EPB41: variants seen among roughly 807,000 people sequenced by gnomAD.
The protein encoded by EPB41 is protein 4.1.
In EPB41, 65 loss-of-function variants were observed where a neutral mutation model predicts 108.0. That is an observed-to-expected ratio of 0.60 (90% CI 0.49 to 0.74). The LOEUF is 0.74. EPB41 is among the 30% of genes least tolerant of loss of function. The pLI is 0.00. For synonymous variants in EPB41, 336 were observed against 358.9 expected (o/e 0.94, Z 0.72); for missense variants, 875 against 1,037.0 (o/e 0.84, Z 2.15).
intron 16 of EPB41, among the ~76,000 whole-genome samples, chr1:29,087,371 T>C (rs1023479780): frequency 4.0e-4 from 60 of 151,326 alleles, no homozygotes; most frequent in African/African-American, 1.4e-3. Context: ...CATATCCTGC[T>C]TTTTTTTTGA....
In EPB41 at chr1:29,114,636, TAAAAAAAAAAAA is replaced by T. The variant is rs62666661; in HGVS notation, c.2497-1050_2497-1039del. Among the ~76,000 whole-genome samples the T allele has an allele frequency of 5.1e-5, 4 of 77,742 alleles. No individual in the cohort carries two copies. In the East Asian group the frequency reaches 1.5e-3, roughly 29 times the overall value. 51.0% of individuals were successfully genotyped at this position (77,742 alleles called of 152,430 possible). ...CCAGCCTGGGCAGTGAGACTCCGTC[TAAAAAAAAAAAA>T]AAAAAAAAAAAAGTCCCTGTTTCAC... On this transcript the variant is annotated intron_variant, in intron 19 of 20. Coordinates refer to ENST00000343067, the MANE Select transcript of EPB41 (RefSeq NM_001376013.1).
At chr1:28,972,048 C>T (rs1040318200) in intron 1 of EPB41, among the ~76,000 whole-genome samples, 10 of 152,154 alleles carry the variant, frequency 6.6e-5, no homozygotes, top group Non-Finnish European at 1.3e-4. Context: ...ACCCTGCCCC[C>T]GTAGCTGGGA....
chr1:29,051,033 T>C (rs998749147), intron 11 of EPB41, among the ~76,000 whole-genome samples: 3 of 151,904 alleles, frequency 2.0e-5, no homozygotes, highest in Non-Finnish European at 4.4e-5. Context: ...AGGAATTAGT[T>C]CTTTCATTGG....
At chr1:28,922,039 G>A (rs1215278045) in intron 1 of EPB41, among the ~76,000 whole-genome samples, 1 of 136,598 alleles carries the variant, frequency 7.3e-6, no homozygotes, top group African/African-American at 2.7e-5. Context: ...GCATGATCTT[G>A]GCTCACTGCA....
At chr1:29,113,277 C>T (rs1669818068) in intron 19 of EPB41, among the ~76,000 whole-genome samples, 1 of 152,184 alleles carries the variant, frequency 6.6e-6, no homozygotes, top group African/African-American at 2.4e-5. Context: ...CATGCAAATG[C>T]TTCTGGAATC....
At chr1:29,080,633 C>G (rs746443959) in intron 16 of EPB41, among the ~76,000 whole-genome samples, 2 of 152,128 alleles carry the variant, frequency 1.3e-5, no homozygotes, top group African/African-American at 2.4e-5. Flanking sequence ...AGGCCATCCA[C>G]CCTCCCCAGC....
intron 1 of EPB41, among the ~76,000 whole-genome samples, chr1:28,983,627 G>A (rs1199181025): frequency 6.6e-6 from 1 of 152,178 alleles, no homozygotes; most frequent in East Asian, 1.9e-4. Flanking sequence ...GAACGAGGTG[G>A]GAACTGGAGT....
At chr1:28,989,243 G>A (rs1350677974) in intron 2 of EPB41, 4 of 206,650 alleles carry the variant, frequency 1.9e-5, no homozygotes, top group Non-Finnish European at 3.4e-5. Context: ...GGCCTTAATT[G>A]TGACATAGTG....
rs147012867 is a variant in EPB41, at chr1:28,993,179, C to T, written c.469-151C>T. The T allele has an allele frequency of 1.2e-3, 763 of 638,098 alleles. 7 individuals carry two copies. The African/African-American group carries it at 0.012, about 10-fold the overall frequency. 39.5% of individuals were successfully genotyped at this position (638,098 alleles called of 1,614,324 possible). On this transcript the variant is annotated intron_variant, in intron 2 of 20. Coordinates refer to ENST00000343067, the MANE Select transcript of EPB41 (RefSeq NM_001376013.1). ...TCTTTAGGGCATTTGGGGGATCATA[C>T]TATTTTTTATAGAAAAATATTTAAT...
intron 1 of EPB41, among the ~76,000 whole-genome samples, chr1:28,942,382 G>T (rs191345091): frequency 1.3e-5 from 2 of 152,290 alleles, no homozygotes; most frequent in Admixed American, 1.3e-4. Context: ...TCCAAATTGG[G>T]GTTCCCACAA....
At chr1:29,112,948 A>G (rs1460265466) in intron 19 of EPB41, among the ~76,000 whole-genome samples, 2 of 152,212 alleles carry the variant, frequency 1.3e-5, no homozygotes, top group South Asian at 2.1e-4. Context: ...AGCCGAGAAG[A>G]CACGAGCGGG....
chr1:29,011,486 T>C (rs935836126), intron 4 of EPB41, among the ~76,000 whole-genome samples: 3 of 152,226 alleles, frequency 2.0e-5, no homozygotes, highest in Admixed American at 6.5e-5. Context: ...CTTTATAGAA[T>C]AATATAAATA....
rs1425317828 is a variant in EPB41 at position 29,079,997 on chromosome 1, C to CA, written c.2184+14847dup. Among the ~76,000 whole-genome samples the CA allele has an allele frequency of 1.2e-4, 18 of 150,286 alleles. No individual in the cohort carries two copies. In the East Asian group the frequency reaches 2.3e-3, roughly 20 times the overall value. ...GGCGACAAGAGCAAAACTCTTATCT[C>CA]AAAAAAAAGAAAAAAATATATATTT... On this transcript the variant is annotated intron_variant, in intron 16 of 20. Coordinates refer to ENST00000343067, the MANE Select transcript of EPB41 (RefSeq NM_001376013.1).
chr1:29,112,522 T>C, intron 19 of EPB41, 74 bp downstream of exon 19: 1 of 1,261,594 alleles, frequency 7.9e-7, no homozygotes. Context: ...GGAGTTTGTT[T>C]GCCATCTTCA....
At position 28,959,611 on chromosome 1, in the gene EPB41, A is replaced by G. The variant is rs183147545; in HGVS notation, c.-7-27820A>G. 3.8e-3 allele frequency among the ~76,000 whole-genome samples: 572 copies of G among 152,324 alleles called. 6 individuals carry two copies. The highest frequency in any genetic ancestry group is 0.013 in the African/African-American group (530 of 41,574). ...TGGAAGAGAAAACATTTATAGCAGGAGGGACTGGAAATAGGTTATTTATAG... is the reference window on the plus strand; with the variant it reads ...TGGAAGAGAAAACATTTATAGCAGGGGGGACTGGAAATAGGTTATTTATAG... On this transcript the variant is annotated intron_variant, in intron 1 of 20. Transcript: ENST00000343067.
intron 4 of EPB41, among the ~76,000 whole-genome samples, chr1:29,007,154 C>T (rs942715505): frequency 6.6e-6 from 1 of 151,528 alleles, no homozygotes; most frequent in South Asian, 2.1e-4. Context: ...TGCAGTGGTA[C>T]GATCTTGATT....
chr1:29,042,565 G>A (rs972245276), intron 11 of EPB41, among the ~76,000 whole-genome samples: 2 of 151,890 alleles, frequency 1.3e-5, no homozygotes, highest in Non-Finnish European at 2.9e-5. Context: ...TGCAACCTCC[G>A]CCTCCAAGAT....
At chr1:28,931,388 A>G (rs2093734400) in intron 1 of EPB41, among the ~76,000 whole-genome samples, 1 of 151,408 alleles carries the variant, frequency 6.6e-6, no homozygotes. Flanking sequence ...AAAAAAAAAA[A>G]AAGGCTGAAA....
At chr1:28,990,116 C>T (rs973917867) in intron 2 of EPB41, among the ~76,000 whole-genome samples, 4 of 150,850 alleles carry the variant, frequency 2.7e-5, no homozygotes, top group Non-Finnish European at 4.4e-5. Context: ...ATTAGCTGGG[C>T]GTGGTGGCGG....
Sources: gnomAD v4.1 joint callset for allele counts (sites outside exome capture counted in the v4.1 genomes callset) on GRCh38, gnomAD v4.1.1 for gene constraint, MANE v1.5 for transcripts, NCBI Gene and HGNC (gene_info 2026-07-23, HGNC 2026-07-21) for gene names.